GRXCR1: variants seen among roughly 807,000 people sequenced by gnomAD.
GRXCR1 encodes the protein glutaredoxin domain-containing cysteine-rich protein 1.
A neutral mutation model predicts 27.3 loss-of-function variants in GRXCR1; 27 were observed. The observed-to-expected ratio is 0.99, with a 90% CI of 0.73 to 1.37. The LOEUF (loss-of-function observed/expected upper bound fraction) is 1.37. GRXCR1 is among the 40% of genes most tolerant of loss of function. The probability of loss-of-function intolerance (pLI) is 0.00; values close to 1 mark genes in which losing one functional copy is unlikely to be tolerated. For synonymous variants in GRXCR1, 122 were observed against 131.1 expected (o/e 0.93, Z 0.47); for missense variants, 379 against 354.4 (o/e 1.07, Z -0.56).
chr4:43,011,714 A>G (rs1712756914), intron 2 of GRXCR1, among the ~76,000 whole-genome samples: 1 of 152,198 alleles, frequency 6.6e-6, no homozygotes, highest in African/African-American at 2.4e-5. Flanking sequence ...ATTGAGCAAC[A>G]TATGACTTGT....
chr4:42,938,479 C>G (rs145741907), intron 1 of GRXCR1, among the ~76,000 whole-genome samples: 1 of 151,912 alleles, frequency 6.6e-6, no homozygotes, highest in African/African-American at 2.4e-5. Context: ...TATGGTAGTT[C>G]CATAACAGTT....
intron 2 of GRXCR1, among the ~76,000 whole-genome samples, chr4:42,991,252 A>G (rs1426597312): frequency 6.6e-6 from 1 of 152,048 alleles, no homozygotes; most frequent in Non-Finnish European, 1.5e-5. Flanking sequence ...TTTTGTAAAC[A>G]AAAACATAAT....
intron 1 of GRXCR1, among the ~76,000 whole-genome samples, chr4:42,953,167 C>A (rs2109770140): frequency 6.6e-6 from 1 of 152,262 alleles, no homozygotes; most frequent in Admixed American, 6.5e-5. Flanking sequence ...CCACCAAAAA[C>A]AATGGCCACA....
At chr4:42,932,502 G>A (rs1348207632) in intron 1 of GRXCR1, among the ~76,000 whole-genome samples, 3 of 145,190 alleles carry the variant, frequency 2.1e-5, no homozygotes, top group Non-Finnish European at 4.5e-5. Context: ...CCTCTTGCCT[G>A]TAGAACTTTT....
rs60704333 is a variant in GRXCR1 at position 43,024,197 on chromosome 4, C to CT, written c.693+3794dup. On this transcript the variant is annotated intron_variant, in intron 3 of 3. Coordinates refer to ENST00000399770, the MANE Select transcript of GRXCR1 (RefSeq NM_001080476.3). ...GCCAACATAGTGTCCATTTTCTGTC[C>CT]TTTTTTTTTTTTTTTTGGTAAAGCT... Among the ~76,000 whole-genome samples the CT allele has an allele frequency of 1.3e-3, 118 of 94,248 alleles. 1 individual carries two copies. Among genetic ancestry groups the CT allele is most frequent in the African/African-American group, 2.6e-3 (59 of 22,718 alleles). The allele number at this position is 94,248 out of a possible 152,430, so 61.8% of individuals were successfully genotyped here.
At chr4:43,028,721 T>C (rs1368495061) in intron 3 of GRXCR1, among the ~76,000 whole-genome samples, 2 of 152,210 alleles carry the variant, frequency 1.3e-5, no homozygotes, top group Non-Finnish European at 2.9e-5. Context: ...GTTTTTCTTT[T>C]TTCTATTTTA....
chr4:42,951,106 G>A (rs991797523), intron 1 of GRXCR1, among the ~76,000 whole-genome samples: 7 of 152,114 alleles, frequency 4.6e-5, no homozygotes, highest in African/African-American at 1.4e-4. Flanking sequence ...GTAGATTTAA[G>A]TTTGAGTCTG....
chr4:42,952,563 C>T (rs912176816), intron 1 of GRXCR1, among the ~76,000 whole-genome samples: 14 of 152,026 alleles, frequency 9.2e-5, no homozygotes, highest in African/African-American at 2.9e-4. Flanking sequence ...TTCTTCTTCC[C>T]ATAAGAAATA....
intron 3 of GRXCR1, among the ~76,000 whole-genome samples, chr4:43,028,909 GACA>G (rs1713337229): frequency 6.6e-6 from 1 of 152,038 alleles, no homozygotes; most frequent in African/African-American, 2.4e-5. Flanking sequence ...TATTCAGATT[GACA>G]ACAACTACTT....
chr4:42,954,302 GA>G (rs979228430), intron 1 of GRXCR1, among the ~76,000 whole-genome samples: 11 of 152,146 alleles, frequency 7.2e-5, no homozygotes, highest in African/African-American at 2.7e-4. Flanking sequence ...AAAGCGTAGG[GA>G]TGAGTAATGG....
At chr4:42,909,543 C>T (rs1483636551) in intron 1 of GRXCR1, among the ~76,000 whole-genome samples, 1 of 152,112 alleles carries the variant, frequency 6.6e-6, no homozygotes, top group Non-Finnish European at 1.5e-5. Flanking sequence ...TTTCCTTTTT[C>T]TAAAATGCAA....
intron 1 of GRXCR1, among the ~76,000 whole-genome samples, chr4:42,901,270 T>C (rs1018016381): frequency 6.6e-6 from 1 of 152,140 alleles, no homozygotes; most frequent in African/African-American, 2.4e-5. Context: ...CACTACAAAC[T>C]TAGAGCCTTA....
intron 2 of GRXCR1, among the ~76,000 whole-genome samples, chr4:43,019,264 G>T (rs1330095171): frequency 6.6e-6 from 1 of 151,988 alleles, no homozygotes; most frequent in African/African-American, 2.4e-5. Flanking sequence ...TACCCTGTGG[G>T]TTAGTTTTTT....
chr4:42,933,180 A>T (rs1312860487), intron 1 of GRXCR1, among the ~76,000 whole-genome samples: 1 of 151,978 alleles, frequency 6.6e-6, no homozygotes, highest in African/African-American at 2.4e-5. Flanking sequence ...TGCTCAGTTT[A>T]AATAAGTACA....
rs146696590 is a variant in GRXCR1, at chr4:43,030,452, G to T, written c.785G>T (p.Arg262Leu). The T allele has an allele frequency of 6.2e-7, 1 of 1,613,844 alleles. No individual in the cohort carries two copies. Among genetic ancestry groups the T allele is most frequent in the African/African-American group, 1.3e-5 (1 of 74,852 alleles). ...VCHGSKMSMF[R>L]NCFTDSFKAL... ...CATGGGAGCAAGATGTCCATGTTTC[G>T]AAACTGCTTCACAGACTCTTTCAAA... Residue 262 changes from arginine (R) to leucine (L), a missense_variant, in exon 4 of 4, where the codon CGA becomes CTA. Physicochemically the swap from Arg to Leu is moderately radical, Grantham distance 102. Transcript: ENST00000399770.
At chr4:42,937,704 C>T (rs1747492032) in intron 1 of GRXCR1, among the ~76,000 whole-genome samples, 4 of 151,898 alleles carry the variant, frequency 2.6e-5, no homozygotes, top group Admixed American at 2.6e-4. Flanking sequence ...ACTTGGCTCC[C>T]ATCACCCATC....
chr4:43,002,421 G>A (rs1560683536), intron 2 of GRXCR1, among the ~76,000 whole-genome samples: 1 of 150,148 alleles, frequency 6.7e-6, no homozygotes, highest in Non-Finnish European at 1.5e-5. Flanking sequence ...ATTTTGTTAA[G>A]AAGGCACGTC....
chr4:42,908,423 G>T (rs894804631), intron 1 of GRXCR1, among the ~76,000 whole-genome samples: 3 of 152,128 alleles, frequency 2.0e-5, no homozygotes, highest in Non-Finnish European at 4.4e-5. Context: ...CCTAGGAGTT[G>T]GTGCTGTGAC....
chr4:42,972,603 C>T (rs1054724876), intron 2 of GRXCR1, among the ~76,000 whole-genome samples: 7 of 152,162 alleles, frequency 4.6e-5, no homozygotes, highest in Admixed American at 3.3e-4. Flanking sequence ...ATGTCATACT[C>T]TGCTAAGCAT....
Sources: allele counts gnomAD v4.1 joint callset (sites outside exome capture counted in the v4.1 genomes callset), GRCh38; gene constraint gnomAD v4.1.1; transcripts MANE v1.5; gene names NCBI Gene and HGNC (gene_info 2026-07-23, HGNC 2026-07-21).